The following RBFOX3 variants were observed in gnomAD, a reference collection of about 807,000 sequenced individuals.
RBFOX3 encodes RNA binding protein fox-1 homolog 3.
In RBFOX3, 17 loss-of-function variants were observed where a neutral mutation model predicts 48.7. The observed-to-expected ratio is 0.35, with a 90% CI of 0.24 to 0.52. The LOEUF is 0.52. Among genes scored for constraint, RBFOX3 ranks in the 20% least tolerant of loss-of-function variants. The pLI, the probability that RBFOX3 is intolerant of heterozygous loss-of-function variation, is 0.94. For synonymous variants in RBFOX3, 212 were observed against 209.5 expected (o/e 1.01, Z -0.10); for missense variants, 382 against 497.5 (o/e 0.77, Z 2.21).
the RBFOX3 span, among the ~76,000 whole-genome samples, chr17:79,633,836 C>A: frequency 5.9e-5 from 9 of 152,136 alleles, no homozygotes; most frequent in Non-Finnish European, 7.4e-5. Context: ...TCCTGATGTG[C>A]CACCCTTGGA....
the RBFOX3 span, among the ~76,000 whole-genome samples, chr17:79,660,395 T>C: frequency 1.3e-5 from 2 of 152,074 alleles, no homozygotes; most frequent in Non-Finnish European, 2.9e-5. Context: ...TTGCTATCTA[T>C]CCATCTGACA....
At chr17:79,142,006 T>C (rs895333947) in intron 4 of RBFOX3, among the ~76,000 whole-genome samples, 1 of 152,196 alleles carries the variant, frequency 6.6e-6, no homozygotes, top group African/African-American at 2.4e-5. Context: ...CAGGACGGGA[T>C]CCTTGCCCGC....
At chr17:79,142,547 G>A (rs1318375097) in intron 4 of RBFOX3, among the ~76,000 whole-genome samples, 4 of 152,134 alleles carry the variant, frequency 2.6e-5, no homozygotes, top group South Asian at 2.1e-4. Context: ...GGGCTGCAAC[G>A]CTGCAACTAA....
chr17:79,649,904 C>T, the RBFOX3 span, among the ~76,000 whole-genome samples: 1 of 151,894 alleles, frequency 6.6e-6, no homozygotes, highest in Non-Finnish European at 1.5e-5. Context: ...GGGAGGGAGG[C>T]GCTACCCACT....
At chr17:79,257,417 G>A (rs2065057948) in intron 3 of RBFOX3, among the ~76,000 whole-genome samples, 1 of 152,218 alleles carries the variant, frequency 6.6e-6, no homozygotes, top group African/African-American at 2.4e-5. Flanking sequence ...TGACTAGCAG[G>A]TGCCCTGAGG....
At chr17:79,459,626 G>C (rs1242719928) in intron 2 of RBFOX3, among the ~76,000 whole-genome samples, 1 of 152,056 alleles carries the variant, frequency 6.6e-6, no homozygotes, top group East Asian at 1.9e-4. Context: ...ACCAATCCTA[G>C]AGACTTCCAG....
intron 4 of RBFOX3, among the ~76,000 whole-genome samples, chr17:79,128,090 C>T (rs540735246): frequency 6.6e-5 from 10 of 152,376 alleles, no homozygotes; most frequent in African/African-American, 2.4e-4. Context: ...GTCCTACCCT[C>T]AGGGAGCAGA....
intron 1 of RBFOX3, among the ~76,000 whole-genome samples, chr17:79,531,105 C>T (rs2087702127): frequency 1.3e-5 from 2 of 152,230 alleles, no homozygotes; most frequent in African/African-American, 2.4e-5. Context: ...CAGAGCCTGC[C>T]CACTTTCTCC....
Position 79,306,766 on chromosome 17 carries a change from C to T in RBFOX3, c.-74+958G>A, listed in dbSNP as rs572312578. On this transcript the variant is annotated intron_variant, in intron 3 of 14. Transcript: ENST00000693108. ...ACCTGAGCCAACCTCCTAGGCCTCC[C>T]GTGCCGGGTGTCCTCCTCCACCCCC... Among the ~76,000 whole-genome samples, 90 of 152,356 alleles carry T rather than the reference C, an allele frequency of 5.9e-4. 1 individual carries two copies. The highest frequency in any genetic ancestry group is 3.4e-3 in the Middle Eastern group (1 of 294).
intron 1 of RBFOX3, among the ~76,000 whole-genome samples, chr17:79,510,509 C>T (rs1037878181): frequency 2.6e-5 from 4 of 152,198 alleles, no homozygotes; most frequent in Non-Finnish European, 5.9e-5. Flanking sequence ...AGAGGGGCAC[C>T]GTGCCTGCGC....
At chr17:79,194,377 C>T (rs1248879287) in intron 4 of RBFOX3, among the ~76,000 whole-genome samples, 4 of 151,992 alleles carry the variant, frequency 2.6e-5, no homozygotes, top group East Asian at 1.9e-4. Context: ...GAGGCTGAGG[C>T]GGGTGGATCA....
At chr17:79,587,895 G>A (rs1295208496) in intron 1 of RBFOX3, among the ~76,000 whole-genome samples, 21 of 152,144 alleles carry the variant, frequency 1.4e-4, no homozygotes, top group African/African-American at 2.9e-4. Flanking sequence ...GGAGTGCAGT[G>A]GCACAATCAT....
chr17:79,365,953 G>A (rs2057683718), intron 2 of RBFOX3, among the ~76,000 whole-genome samples: 4 of 152,256 alleles, frequency 2.6e-5, no homozygotes, highest in Non-Finnish European at 5.9e-5. Context: ...GACGCCATCA[G>A]CGTCATGACC....
the RBFOX3 span, among the ~76,000 whole-genome samples, chr17:79,619,103 A>G: frequency 6.6e-6 from 1 of 152,238 alleles, no homozygotes; most frequent in Non-Finnish European, 1.5e-5. Context: ...AGGAAGAGGC[A>G]GGGGACGTGG....
intron 2 of RBFOX3, among the ~76,000 whole-genome samples, chr17:79,322,651 C>T (rs929650294): frequency 6.6e-6 from 1 of 152,142 alleles, no homozygotes. Flanking sequence ...GGTCCCCAGC[C>T]GCTGAGACAG....
At chr17:79,635,059 C>CAAAAAAAAAAAAAAAAAAAAAAAAAAA in the RBFOX3 span, among the ~76,000 whole-genome samples, 1 of 53,494 alleles carries the variant, frequency 1.9e-5, no homozygotes, top group African/African-American at 5.4e-5. Flanking sequence ...GACTCCATCT[C>CAAAAAAAAAAAAAAAAAAAAAAAAAAA]AAAAAAAAAA....
chr17:79,656,748 A>G, the RBFOX3 span, among the ~76,000 whole-genome samples: 5 of 65,192 alleles, frequency 7.7e-5, no homozygotes, highest in Admixed American at 2.0e-4. Context: ...GAAAGAAAGA[A>G]AGAAGGAAGG....
intron 1 of RBFOX3, among the ~76,000 whole-genome samples, chr17:79,548,426 C>T (rs868918823): frequency 3.9e-5 from 6 of 152,236 alleles, no homozygotes; most frequent in Non-Finnish European, 7.3e-5. Context: ...GACAGCAGCC[C>T]CCATCTTCTC....
At chr17:79,305,070 A>G (rs997312674) in intron 3 of RBFOX3, among the ~76,000 whole-genome samples, 7 of 152,210 alleles carry the variant, frequency 4.6e-5, no homozygotes, top group Non-Finnish European at 8.8e-5. Flanking sequence ...CTGTTTCAGC[A>G]GGGTGGGTGG....
Sources: allele counts gnomAD v4.1 joint callset (sites outside exome capture counted in the v4.1 genomes callset), GRCh38; gene constraint gnomAD v4.1.1; transcripts MANE v1.5; gene names NCBI Gene and HGNC (gene_info 2026-07-23, HGNC 2026-07-21).